ZMPSTE24: variants seen among roughly 807,000 people sequenced by gnomAD.
ZMPSTE24 encodes the protein zinc metallopeptidase STE24.
Under a neutral mutation model 56.7 loss-of-function variants are expected in ZMPSTE24, and 48 were observed. The observed-to-expected ratio is 0.85, with a 90% confidence interval of 0.67 to 1.08. The LOEUF (loss-of-function observed/expected upper bound fraction) is 1.08. Ranked by LOEUF, ZMPSTE24 falls within the 50% of genes least tolerant of loss-of-function variation. The pLI is 0.00. For missense variants in ZMPSTE24, 503 were observed against 548.7 expected (o/e 0.92, Z 0.83); for synonymous variants, 172 against 195.2 (o/e 0.88, Z 0.99).
At chr1:40,272,202 A>G (rs544412257) in intron 6 of ZMPSTE24, among the ~76,000 whole-genome samples, 167 bp downstream of exon 6, 1 of 152,312 alleles carries the variant, frequency 6.6e-6, no homozygotes, top group East Asian at 1.9e-4. Flanking sequence ...GATTTACAGA[A>G]ATTGATAACA....
rs71577619 is a variant in ZMPSTE24, at chr1:40,273,537, AATATATATAT to A, written c.769+1525_769+1534del. Among the ~76,000 whole-genome samples, 9 of 12,388 alleles carry A rather than the reference AATATATATAT, an allele frequency of 7.3e-4. No homozygotes were observed. The South Asian group carries it at 0.013, about 18-fold the overall frequency. The allele number at this position is 12,388 out of a possible 152,430, so 8.1% of individuals were successfully genotyped here. A position where few individuals can be genotyped will look rare whatever the true frequency, so the allele number is the denominator to read the frequency against. ...TGTCTAAAAAAAAAAAAAAAAAAAA[AATATATATAT>A]ATATATATATATATATATATATGTC... On this transcript the variant is annotated intron_variant, in intron 6 of 9. Coordinates refer to ENST00000372759, the MANE Select transcript of ZMPSTE24 (RefSeq NM_005857.5).
intron 7 of ZMPSTE24, among the ~76,000 whole-genome samples, chr1:40,285,568 A>T (rs1407319787): frequency 6.6e-6 from 1 of 152,160 alleles, no homozygotes; most frequent in African/African-American, 2.4e-5. Context: ...ATTTCTAATG[A>T]TTTTGTAATA....
intron 6 of ZMPSTE24, among the ~76,000 whole-genome samples, chr1:40,275,265 CAAAAAAA>C (rs869166476): frequency 5.2e-5 from 2 of 38,626 alleles, no homozygotes. Flanking sequence ...ACTAAAAATA[CAAAAAAA>C]AAAAAAAAAA....
chr1:40,261,515 A>G (rs751477518), intron 2 of ZMPSTE24, among the ~76,000 whole-genome samples: 9 of 152,126 alleles, frequency 5.9e-5, no homozygotes, highest in Non-Finnish European at 1.2e-4. Context: ...ATACCGTCTC[A>G]GAGTGCTGGG....
At chr1:40,269,333 T>C (rs1015265281) in intron 4 of ZMPSTE24, among the ~76,000 whole-genome samples, 3 of 151,722 alleles carry the variant, frequency 2.0e-5, no homozygotes, top group African/African-American at 7.3e-5. Context: ...AGGTTGAGGC[T>C]ACGGTGAGCC....
At chr1:40,280,221 T>C (rs1438138759) in intron 6 of ZMPSTE24, among the ~76,000 whole-genome samples, 1 of 152,110 alleles carries the variant, frequency 6.6e-6, no homozygotes, top group East Asian at 1.9e-4. Context: ...TGCTCTCCAT[T>C]GGTCATTGTC....
intron 4 of ZMPSTE24, 98 bp from the exon 5 acceptor site, chr1:40,269,877 A>T: frequency 7.1e-7 from 1 of 1,403,232 alleles, no homozygotes; most frequent in Non-Finnish European, 9.7e-7. Flanking sequence ...TAATTTTAAA[A>T]ATTGCTTTAA....
chr1:40,273,516 T>TCAAAAAAAAAAAAAA lies in ZMPSTE24; in HGVS notation c.769+1481_769+1482insCAAAAAAAAAAAAAA, dbSNP rs1208318399. ...TGGGCAACAAGAGCCAAATTCTGTC[T>TCAAAAAAAAAAAAAA]AAAAAAAAAAAAAAAAAAAAAATAT... is the stretch of plus-strand genomic sequence containing the variant. On this transcript the variant is annotated intron_variant, in intron 6 of 9. Transcript: ENST00000372759. Among the ~76,000 whole-genome samples the TCAAAAAAAAAAAAAA allele has an allele frequency of 7.6e-4, 8 of 10,582 alleles. 3 individuals are homozygous for TCAAAAAAAAAAAAAA. The highest frequency in any genetic ancestry group is 2.8e-3 in the African/African-American group (5 of 1,768). 6.9% of individuals were successfully genotyped at this position (10,582 alleles called of 152,430 possible).
intron 8 of ZMPSTE24, among the ~76,000 whole-genome samples, chr1:40,288,922 T>C (rs1296409375): frequency 2.6e-5 from 4 of 152,158 alleles, no homozygotes; most frequent in African/African-American, 9.7e-5. Context: ...CAGTGAGATA[T>C]ACACCTTAAA....
At chr1:40,267,730 C>T in intron 2 of ZMPSTE24, 56 bp from the exon 3 acceptor site, 8 of 1,303,376 alleles carry the variant, frequency 6.1e-6, no homozygotes, top group Non-Finnish European at 8.9e-6. Context: ...CATGCTTTCT[C>T]ATATGATAGT....
chr1:40,274,957 A>G (rs527625078), intron 6 of ZMPSTE24, among the ~76,000 whole-genome samples: 2 of 152,138 alleles, frequency 1.3e-5, no homozygotes, highest in South Asian at 2.1e-4. Context: ...GCAGTTAGAT[A>G]TATGGTAGTT....
chr1:40,291,414 C>G (rs541232676), intron 9 of ZMPSTE24, among the ~76,000 whole-genome samples: 7 of 152,298 alleles, frequency 4.6e-5, no homozygotes, highest in Non-Finnish European at 1.0e-4. Context: ...GACCACCTGC[C>G]TCCATATAGC....
chr1:40,262,099 T>G (rs1643503697), intron 2 of ZMPSTE24, among the ~76,000 whole-genome samples: 1 of 152,148 alleles, frequency 6.6e-6, no homozygotes, highest in Non-Finnish European at 1.5e-5. Context: ...ATTCCTAAAT[T>G]TAAAAGAATT....
At chr1:40,270,231 A>C (rs1273816179) in intron 5 of ZMPSTE24, 104 bp downstream of exon 5, 1 of 1,299,310 alleles carries the variant, frequency 7.7e-7, no homozygotes, top group Non-Finnish European at 1.1e-6. Flanking sequence ...GCTGAAATAT[A>C]AATAGGTGCT....
chr1:40,271,006 C>G (rs1643609429), intron 5 of ZMPSTE24, among the ~76,000 whole-genome samples: 10 of 152,220 alleles, frequency 6.6e-5, no homozygotes. Flanking sequence ...GTGGTCTGTT[C>G]AGTGCACCCA....
At chr1:40,275,143 G>A (rs915909693) in intron 6 of ZMPSTE24, among the ~76,000 whole-genome samples, 1 of 151,966 alleles carries the variant, frequency 6.6e-6, no homozygotes, top group Non-Finnish European at 1.5e-5. Flanking sequence ...ATTTGGACCA[G>A]GCGCAGTGGC....
rs761443274 is a variant in ZMPSTE24, at chr1:40,260,981, G to C, written c.266G>C (p.Gly89Ala). Reference protein sequence around the residue: ...FWSGLYSETEGTLILLFGGIP... With the variant: ...FWSGLYSETEATLILLFGGIP... The stretch of plus-strand genomic sequence containing the variant: ...TCAGGACTCTATTCAGAGACTGAAG[G>C]CACTGTGAGTAATTTACTTCTTGGA... Residue 89 changes from glycine (G) to alanine (A), a missense_variant, in exon 2 of 10, where the codon GGC becomes GCC. Coordinates refer to ENST00000372759, the MANE Select transcript of ZMPSTE24 (RefSeq NM_005857.5). 6.2e-7 allele frequency: 1 copy of C among 1,614,100 alleles called. No individual in the cohort carries two copies. Among genetic ancestry groups the C allele is most frequent in the South Asian group, 1.1e-5 (1 of 91,080 alleles).
At position 40,285,964 on chromosome 1, in the gene ZMPSTE24, G is replaced by C; in HGVS notation, c.994G>C (p.Val332Leu). The change falls in exon 8 of 10, where the codon GTA becomes CTA. Residue 332 changes from valine to leucine, a missense_variant. By Grantham distance (32) the Val-to-Leu change is conservative (BLOSUM62 1). Transcript: ENST00000372759. ...ATGTAAAAATGAGGAGGTACTCGCT[G>C]TACTAGGCCATGAACTGGGGCACTG... ...QGCKNEEVLA[V>L]LGHELGHWKL... 6.2e-7 allele frequency: 1 copy of C among 1,614,056 alleles called. No homozygotes were observed. Among genetic ancestry groups the C allele is most frequent in the Non-Finnish European group, 8.5e-7 (1 of 1,179,972 alleles).
At position 40,263,084 on chromosome 1, in the gene ZMPSTE24, C is replaced by T. The variant is rs373534728; in HGVS notation, c.270+2099C>T. On this transcript the variant is annotated intron_variant, in intron 2 of 9. Coordinates refer to ENST00000372759, the MANE Select transcript of ZMPSTE24 (RefSeq NM_005857.5). The stretch of plus-strand genomic sequence containing the variant: ...TAATAGGAAAAGCATTTTCAATCTC[C>T]TTGGTTGTCCCTGGTAAATAGTGCC... The T allele has an allele frequency of 4.0e-5, 30 of 746,522 alleles. 2 individuals are homozygous for T. In the East Asian group the frequency reaches 5.2e-4, roughly 13 times the overall value. 46.2% of individuals were successfully genotyped at this position (746,522 alleles called of 1,614,324 possible).
Sources: allele counts gnomAD v4.1 joint callset (sites outside exome capture counted in the v4.1 genomes callset), GRCh38; gene constraint gnomAD v4.1.1; transcripts MANE v1.5; gene names NCBI Gene and HGNC (gene_info 2026-07-23, HGNC 2026-07-21).